MCU: variants seen among roughly 807,000 people sequenced by gnomAD.
The protein encoded by MCU is calcium uniporter protein, mitochondrial.
MCU carries 12 observed loss-of-function variants against 45.2 expected under a neutral mutation model. That is an observed-to-expected ratio of 0.27 (90% CI 0.17 to 0.43). MCU has a LOEUF of 0.43. Among genes scored for constraint, MCU ranks in the 20% least tolerant of loss-of-function variants. MCU has a pLI of 1.00. For missense variants in MCU, 324 were observed against 436.7 expected, an observed-to-expected ratio of 0.74 and a Z score of 2.30; for synonymous variants, 160 against 165.1, an observed-to-expected ratio of 0.97 and a Z score of 0.24.
chr10:72,857,426 GA>G (rs1275526899), intron 2 of MCU, among the ~76,000 whole-genome samples: 1 of 151,990 alleles, frequency 6.6e-6, no homozygotes, highest in Non-Finnish European at 1.5e-5. Flanking sequence ...TTTTAGTAGA[GA>G]CAGGGTTTTA....
intron 1 of MCU, among the ~76,000 whole-genome samples, chr10:72,792,573 A>G (rs1421791499): frequency 1.3e-5 from 2 of 149,852 alleles, no homozygotes; most frequent in Admixed American, 1.3e-4. Context: ...GTCATGAAAA[A>G]CTCCCGGTTT....
chr10:72,839,527 C>T (rs980305047), intron 2 of MCU, among the ~76,000 whole-genome samples: 1 of 151,998 alleles, frequency 6.6e-6, no homozygotes, highest in African/African-American at 2.4e-5. Context: ...AAGGCTTATC[C>T]ATGTTGTAGT....
At position 72,880,465 on chromosome 10, in the gene MCU, G is replaced by A. The variant is rs369969747; in HGVS notation, c.862-3801G>A. 2.7e-3 allele frequency among the ~76,000 whole-genome samples: 374 copies of A among 138,458 alleles called. 1 individual carries two copies. The highest frequency in any genetic ancestry group is 0.011 in the African/African-American group (353 of 31,598). 90.8% of individuals were successfully genotyped at this position (138,458 alleles called of 152,430 possible). A position where few individuals can be genotyped will look rare whatever the true frequency, so the allele number is the denominator to read the frequency against. ...ACTTTTAAAAATACATAGACCACACGTAGAAGGCAAAGCGGGGGGGGGGAA... is the reference window on the plus strand; with the variant it reads ...ACTTTTAAAAATACATAGACCACACATAGAAGGCAAAGCGGGGGGGGGGAA... On this transcript the variant is annotated intron_variant, in intron 6 of 7. Transcript: ENST00000373053.
intron 1 of MCU, among the ~76,000 whole-genome samples, chr10:72,758,999 G>GTT (rs1286608604): frequency 1.3e-5 from 2 of 152,120 alleles, no homozygotes; most frequent in Non-Finnish European, 2.9e-5. Context: ...CTCTGTACCT[G>GTT]TTTAGTTGTA....
intron 1 of MCU, among the ~76,000 whole-genome samples, chr10:72,750,019 A>G (rs574919640): frequency 6.7e-6 from 1 of 149,464 alleles, no homozygotes; most frequent in South Asian, 2.1e-4. Context: ...ACTTCAGGTG[A>G]TCCGCCTGCT....
At chr10:72,696,726 C>A (rs1458112259) in intron 1 of MCU, among the ~76,000 whole-genome samples, 1 of 152,134 alleles carries the variant, frequency 6.6e-6, no homozygotes, top group African/African-American at 2.4e-5. Context: ...GACACTCAGA[C>A]AAGCATTAGT....
At position 72,834,369 on chromosome 10, in the gene MCU, G is replaced by A. The variant is rs1844924708; in HGVS notation, c.161G>A (p.Arg54Lys). The A allele has an allele frequency of 1.2e-6, 2 of 1,613,702 alleles. No homozygotes were observed. The highest frequency in any genetic ancestry group is 1.7e-6 in the Non-Finnish European group (2 of 1,179,696). ...QQQHHRTVHQ[R>K]IASWQNLGAV... is the part of the protein sequence containing the mutation. ...TTTTGTGTTTTCTAGGTACACCAGAGGATCGCTTCCTGGCAGAATTTGGGA... is the reference window on the plus strand; with the variant it reads ...TTTTGTGTTTTCTAGGTACACCAGAAGATCGCTTCCTGGCAGAATTTGGGA... The change falls in exon 2 of 8, where the codon AGG (arginine) becomes AAG (lysine). Residue 54 changes from arginine to lysine, a missense_variant. Transcript: ENST00000373053.
chr10:72,772,045 G>A (rs958638833), intron 1 of MCU, among the ~76,000 whole-genome samples: 17 of 152,220 alleles, frequency 1.1e-4, no homozygotes, highest in African/African-American at 4.1e-4. Context: ...CCTGTCGGGA[G>A]ACTTGTCCTT....
At chr10:72,832,582 T>G (rs1423473716) in intron 1 of MCU, among the ~76,000 whole-genome samples, 2 of 152,276 alleles carry the variant, frequency 1.3e-5, no homozygotes, top group East Asian at 3.9e-4. Context: ...GAGACTTAAA[T>G]GGAAAGACTT....
chr10:72,863,032 T>G (rs528390816), intron 4 of MCU, among the ~76,000 whole-genome samples: 52 of 152,186 alleles, frequency 3.4e-4, no homozygotes, highest in Non-Finnish European at 6.2e-4. Flanking sequence ...TTTCTTTCCC[T>G]CCTACATGTT....
At position 72,704,586 on chromosome 10, in the gene MCU, C is replaced by T. The variant is rs186185720; in HGVS notation, c.150+12285C>T. Among the ~76,000 whole-genome samples, 9 of 151,902 alleles carry T rather than the reference C, an allele frequency of 5.9e-5. No homozygotes were observed. The East Asian group carries it at 1.4e-3, about 23-fold the overall frequency. On this transcript the variant is annotated intron_variant, in intron 1 of 7. Coordinates refer to ENST00000373053, the MANE Select transcript of MCU (RefSeq NM_138357.3). Reference sequence around the variant, plus strand: ...CAAGGTCTTCCTCTGTCACCCAGGCCGGAGTTCATGGCACCATTATAAATC... The same window carrying T: ...CAAGGTCTTCCTCTGTCACCCAGGCTGGAGTTCATGGCACCATTATAAATC...
chr10:72,723,376 T>C (rs1843050833), intron 1 of MCU, among the ~76,000 whole-genome samples: 1 of 152,158 alleles, frequency 6.6e-6, no homozygotes, highest in Non-Finnish European at 1.5e-5. Context: ...TTAAAAAATT[T>C]CTTTCTATGA....
intron 1 of MCU, among the ~76,000 whole-genome samples, chr10:72,788,541 A>G (rs1183512812): frequency 6.6e-6 from 1 of 152,172 alleles, no homozygotes; most frequent in Admixed American, 6.5e-5. Context: ...CAGGAGAATC[A>G]CTGGAGCCCA....
intron 6 of MCU, among the ~76,000 whole-genome samples, chr10:72,882,966 TA>T (rs1421139495): frequency 6.6e-6 from 1 of 152,162 alleles, no homozygotes; most frequent in Non-Finnish European, 1.5e-5. Context: ...GGCCAACGCT[TA>T]GGGAAAATAG....
intron 1 of MCU, among the ~76,000 whole-genome samples, chr10:72,754,779 A>G (rs1053338435): frequency 6.6e-6 from 1 of 152,106 alleles, no homozygotes; most frequent in Non-Finnish European, 1.5e-5. Context: ...GCAGTGAGCC[A>G]TGAGTGCATC....
At chr10:72,869,817 T>G (rs914726485) in intron 5 of MCU, among the ~76,000 whole-genome samples, 2 of 152,118 alleles carry the variant, frequency 1.3e-5, no homozygotes, top group Admixed American at 1.3e-4. Context: ...TTGGGGGGTA[T>G]CCGGGAACCA....
intron 1 of MCU, among the ~76,000 whole-genome samples, chr10:72,759,054 T>C (rs546865457): frequency 6.6e-6 from 1 of 152,318 alleles, no homozygotes; most frequent in Admixed American, 6.5e-5. Flanking sequence ...GTTCCGCAAG[T>C]CTGCATGTAG....
At chr10:72,711,756 G>C (rs561533754) in intron 1 of MCU, among the ~76,000 whole-genome samples, 2 of 138,878 alleles carry the variant, frequency 1.4e-5, no homozygotes, top group African/African-American at 5.4e-5. Flanking sequence ...CTGTCCCCCA[G>C]GCTGGAGTGC....
intron 1 of MCU, among the ~76,000 whole-genome samples, chr10:72,748,461 T>C (rs1035774500): frequency 6.6e-6 from 1 of 152,172 alleles, no homozygotes. Context: ...TCAGATCGAT[T>C]AACAAGGAGT....
Sources: allele counts gnomAD v4.1 joint callset (sites outside exome capture counted in the v4.1 genomes callset), GRCh38; gene constraint gnomAD v4.1.1; transcripts MANE v1.5; gene names NCBI Gene and HGNC (gene_info 2026-07-23, HGNC 2026-07-21).